NEBL: variants seen among roughly 807,000 people sequenced by gnomAD.
NEBL encodes the protein nebulette, also known as LIM and SH3 protein 2.
NEBL carries 122 observed loss-of-function variants against 140.2 expected under a neutral mutation model. That is an observed-to-expected ratio of 0.87 (90% CI 0.75 to 1.01). NEBL has a LOEUF of 1.01. NEBL is among the 50% of genes least tolerant of loss of function. NEBL has a pLI of 0.00. For synonymous variants in NEBL, 436 were observed against 398.9 expected, an observed-to-expected ratio of 1.09 and a Z score of -1.11; for missense variants, 1,365 against 1,231.3, an observed-to-expected ratio of 1.11 and a Z score of -1.62.
chr10:21,173,809 C>T lies in NEBL; in HGVS notation c.25G>A (p.Gly9Arg). Residue 9 changes from glycine (G) to arginine (R), a missense_variant, in exon 1 of 7, where the codon GGA becomes AGA. Physicochemically the swap from Gly to Arg is moderately radical, Grantham distance 125. Coordinates refer to the NEBL transcript ENST00000417816. The surrounding 1 kb of genome is among the most constrained non-coding windows in gnomAD (Gnocchi z 5.7). Reference sequence around the variant, plus strand: ...TTCTCGGTGGGATACACGACTTTTCCGCAACGGGCGCACTGGGGGTTCATG... The same window carrying T: ...TTCTCGGTGGGATACACGACTTTTCTGCAACGGGCGCACTGGGGGTTCATG... 1 of 1,612,570 alleles carries T rather than the reference C, an allele frequency of 6.2e-7. No individual in the cohort carries two copies.
chr10:21,262,056 G>A (rs763071496), intron 1 of NEBL, among the ~76,000 whole-genome samples: 13 of 152,028 alleles, frequency 8.6e-5, no homozygotes, highest in Non-Finnish European at 1.5e-4. Context: ...ACCGAAAGCC[G>A]ACAAAAAAGA....
intron 2 of NEBL, among the ~76,000 whole-genome samples, chr10:21,108,874 G>A (rs1318096548): frequency 6.6e-6 from 1 of 152,098 alleles, no homozygotes; most frequent in East Asian, 1.9e-4. Context: ...AGGATAATTA[G>A]CTCTTCTTGG....
At chr10:20,953,202 G>T (rs1835590596) in intron 4 of NEBL, among the ~76,000 whole-genome samples, 1 of 152,090 alleles carries the variant, frequency 6.6e-6, no homozygotes, top group Non-Finnish European at 1.5e-5. Context: ...AGGTAATTAA[G>T]GTTAAATGAA....
intron 3 of NEBL, among the ~76,000 whole-genome samples, chr10:21,181,404 T>C (rs554382422): frequency 3.3e-4 from 49 of 150,042 alleles, no homozygotes; most frequent in African/African-American, 1.2e-3. Flanking sequence ...GTAAACTGGT[T>C]AAAAAAAACA....
chr10:21,089,346 A>G (rs1836797556), intron 2 of NEBL, among the ~76,000 whole-genome samples: 1 of 152,152 alleles, frequency 6.6e-6, no homozygotes, highest in East Asian at 1.9e-4. Flanking sequence ...TATGAACATG[A>G]GCATCATCAG....
chr10:21,099,971 T>A (rs1213903494), intron 2 of NEBL, among the ~76,000 whole-genome samples: 1 of 151,932 alleles, frequency 6.6e-6, no homozygotes, highest in Non-Finnish European at 1.5e-5. Context: ...TGCAAAAAAA[T>A]AAAATAAAAT....
intron 1 of NEBL, among the ~76,000 whole-genome samples, chr10:21,290,074 G>A (rs1251146925): frequency 1.3e-5 from 2 of 152,138 alleles, no homozygotes; most frequent in Non-Finnish European, 2.9e-5. Context: ...TTAGAAGAAA[G>A]CAGGTTGTAA....
chr10:21,064,786 G>C (rs1176471498), intron 2 of NEBL, among the ~76,000 whole-genome samples: 1 of 152,096 alleles, frequency 6.6e-6, no homozygotes. Flanking sequence ...GTGTCTTAAA[G>C]ATAGGATAAT....
intron 2 of NEBL, among the ~76,000 whole-genome samples, chr10:21,059,183 C>A (rs1835169440): frequency 6.6e-6 from 1 of 152,214 alleles, no homozygotes; most frequent in Admixed American, 6.5e-5. Context: ...AAGCACCCTG[C>A]ACCTGCGTCT....
At chr10:21,198,604 T>C (rs201421790) in intron 3 of NEBL, among the ~76,000 whole-genome samples, 2 of 152,284 alleles carry the variant, frequency 1.3e-5, no homozygotes, top group East Asian at 1.9e-4. Flanking sequence ...GCTGTAGAAA[T>C]CCCTTGGCCA....
At chr10:20,837,704 T>C (rs1427306765) in intron 13 of NEBL, among the ~76,000 whole-genome samples, 1 of 152,190 alleles carries the variant, frequency 6.6e-6, no homozygotes, top group African/African-American at 2.4e-5. Context: ...GAAGTCAATG[T>C]CTGCTTCAAT....
At chr10:21,117,077 T>C (rs1838318998) in intron 2 of NEBL, among the ~76,000 whole-genome samples, 2 of 152,080 alleles carry the variant, frequency 1.3e-5, no homozygotes, top group Non-Finnish European at 2.9e-5. Flanking sequence ...CTGGGTGCAA[T>C]AAAGTTACTT....
intron 5 of NEBL, 71 bp downstream of exon 5, chr10:20,880,723 A>C: frequency 8.6e-7 from 1 of 1,166,178 alleles, no homozygotes. Flanking sequence ...AAATTTCAGC[A>C]AAATAAACAT....
At chr10:21,181,678 A>G (rs1297438736) in intron 3 of NEBL, among the ~76,000 whole-genome samples, 1 of 152,132 alleles carries the variant, frequency 6.6e-6, no homozygotes, top group Non-Finnish European at 1.5e-5. Context: ...TCATCTGCCA[A>G]TCATACCTGC....
At chr10:21,172,834 A>T (rs193300740) in intron 1 of NEBL, among the ~76,000 whole-genome samples, 1 of 152,288 alleles carries the variant, frequency 6.6e-6, no homozygotes, top group Admixed American at 6.5e-5. Flanking sequence ...AATCCAGTTC[A>T]AAGTGTCTAA....
intron 4 of NEBL, among the ~76,000 whole-genome samples, chr10:20,958,616 G>A (rs1835914693): frequency 1.3e-5 from 2 of 152,072 alleles, no homozygotes; most frequent in South Asian, 4.2e-4. Context: ...ACATCTTCTG[G>A]AATTTCATGG....
At chr10:21,138,491 G>A (rs774012649) in intron 2 of NEBL, among the ~76,000 whole-genome samples, 1 of 152,070 alleles carries the variant, frequency 6.6e-6, no homozygotes, top group Non-Finnish European at 1.5e-5. Flanking sequence ...AGCTATTAGA[G>A]AAACAAAAAG....
chr10:21,108,116 C>T (rs144603604), intron 2 of NEBL, among the ~76,000 whole-genome samples: 31,792 of 151,950 alleles, frequency 0.21, 3,485 homozygotes, highest in East Asian at 0.34. Context: ...AAAAACAGCT[C>T]CTGGATTCAA....
chr10:20,950,724 A>G (rs999107817), intron 4 of NEBL, among the ~76,000 whole-genome samples: 2 of 152,242 alleles, frequency 1.3e-5, no homozygotes, highest in African/African-American at 4.8e-5. Context: ...CATGATCAAG[A>G]AATGCCACTT....
Sources: allele counts gnomAD v4.1 joint callset (sites outside exome capture counted in the v4.1 genomes callset), GRCh38; gene constraint gnomAD v4.1.1; non-coding constraint Gnocchi (gnomAD v3.1); transcripts MANE v1.5; gene names NCBI Gene and HGNC (gene_info 2026-07-23, HGNC 2026-07-21).